The following KCNQ1 variants were observed in gnomAD, a reference collection of about 807,000 sequenced individuals.
The protein encoded by KCNQ1 is potassium voltage-gated channel subfamily KQT member 1.
In KCNQ1, 49 loss-of-function variants were observed where a neutral mutation model predicts 72.4. The observed-to-expected ratio is 0.68, with a 90% CI of 0.54 to 0.86. The LOEUF is 0.86. Ranked by LOEUF, KCNQ1 falls within the 40% of genes least tolerant of loss-of-function variation. The pLI, the probability that KCNQ1 is intolerant of heterozygous loss-of-function variation, is 0.00. For missense variants in KCNQ1, 790 were observed against 945.1 expected (o/e 0.84, Z 2.15); for synonymous variants, 450 against 412.6 (o/e 1.09, Z -1.10).
intron 15 of KCNQ1, among the ~76,000 whole-genome samples, chr11:2,843,892 C>T (rs986854087): frequency 6.6e-6 from 1 of 152,192 alleles, no homozygotes; most frequent in South Asian, 2.1e-4. Flanking sequence ...GTCTGCCTTG[C>T]CTTTTAATCA....
In KCNQ1 at chr11:2,783,506, A is replaced by T. The variant is rs572225919; in HGVS notation, c.1794+5469A>T. Among the ~76,000 whole-genome samples the T allele has an allele frequency of 6.6e-6, 1 of 152,174 alleles. No individual in the cohort carries two copies. Among genetic ancestry groups the T allele is most frequent in the East Asian group, 1.9e-4 (1 of 5,190 alleles). On this transcript the variant is annotated intron_variant, in intron 15 of 15. Coordinates refer to ENST00000155840, the MANE Select transcript of KCNQ1 (RefSeq NM_000218.3). This position sits in a 1 kb window ranked among gnomAD's most constrained non-coding sequence, Gnocchi z 5.2. ...TCAAATCTTCTATATTCTCATTGGA[A>T]TGTTTTTATCTGCTTGATCTATTAT...
chr11:2,531,172 G>A (rs574094712), intron 2 of KCNQ1, among the ~76,000 whole-genome samples: 13 of 142,374 alleles, frequency 9.1e-5, no homozygotes, highest in Non-Finnish European at 1.8e-4. Context: ...ACCTTCAGAC[G>A]TGCCCTGGGC....
Position 2,620,973 on chromosome 11 carries a change from T to G in KCNQ1, c.1393+32119T>G, listed in dbSNP as rs1391669577. 2.0e-5 allele frequency: 8 copies of G among 395,344 alleles called. No homozygotes were observed. The highest frequency in any genetic ancestry group is 3.1e-5 in the Non-Finnish European group (7 of 224,348). The allele number at this position is 395,344 out of a possible 1,614,324, so 24.5% of individuals were successfully genotyped here. Reference sequence around the variant, plus strand: ...GTTTTTTTTTGTCTGTTTTTTGCTTTTTTGTTTGTTTGTTTGTTTTTTGAG... The same window carrying G: ...GTTTTTTTTTGTCTGTTTTTTGCTTGTTTGTTTGTTTGTTTGTTTTTTGAG... On this transcript the variant is annotated intron_variant, in intron 10 of 15. Coordinates refer to ENST00000155840, the MANE Select transcript of KCNQ1 (RefSeq NM_000218.3). This position sits in a 1 kb window ranked among gnomAD's most constrained non-coding sequence, Gnocchi z 4.5.
Position 2,830,392 on chromosome 11 carries a change from C to T in KCNQ1, c.1795-17375C>T, listed in dbSNP as rs899065645. Among the ~76,000 whole-genome samples, 1 of 152,108 alleles carries T rather than the reference C, an allele frequency of 6.6e-6. No homozygotes were observed. The highest frequency in any genetic ancestry group is 1.5e-5 in the Non-Finnish European group (1 of 68,000). ...ACCTGAATGATATCTTAGATGATCT[C>T]CAAGGCCCCGGGATCTAAGTCCCTG... On this transcript the variant is annotated intron_variant, in intron 15 of 15. Coordinates refer to ENST00000155840, the MANE Select transcript of KCNQ1 (RefSeq NM_000218.3). This position sits in a 1 kb window ranked among gnomAD's most constrained non-coding sequence, Gnocchi z 7.7.
rs977580487 is a variant in KCNQ1, at chr11:2,759,972, G to C, written c.1515-8872G>C. Reference sequence around the variant, plus strand: ...TGGATGGAGGCCAGGCCGCTGAGCTGCTGGGAATCTGTTCCACAGGTGGGA... The same window carrying C: ...TGGATGGAGGCCAGGCCGCTGAGCTCCTGGGAATCTGTTCCACAGGTGGGA... On this transcript the variant is annotated intron_variant, in intron 11 of 15. Transcript: ENST00000155840. The surrounding 1 kb of genome is among the most constrained non-coding windows in gnomAD (Gnocchi z 4.4). Among the ~76,000 whole-genome samples the C allele has an allele frequency of 5.9e-5, 9 of 152,242 alleles. No homozygotes were observed. Among genetic ancestry groups the C allele is most frequent in the African/African-American group, 2.4e-5 (1 of 41,456 alleles).
In KCNQ1 at chr11:2,603,396, A is replaced by G. The variant is rs543442123; in HGVS notation, c.1393+14542A>G. ...TACCACACACATTTAATTTTTTAAA[A>G]ACACAATATCCACAAAGTGCAAAAA... On this transcript the variant is annotated intron_variant, in intron 10 of 15. Transcript: ENST00000155840. This position sits in a 1 kb window ranked among gnomAD's most constrained non-coding sequence, Gnocchi z 4.1. 1.3e-5 allele frequency among the ~76,000 whole-genome samples: 2 copies of G among 152,310 alleles called. No individual in the cohort carries two copies. Among genetic ancestry groups the G allele is most frequent in the South Asian group, 4.1e-4 (2 of 4,824 alleles).
chr11:2,476,056 C>A (rs1006453122), intron 1 of KCNQ1, among the ~76,000 whole-genome samples: 6 of 152,292 alleles, frequency 3.9e-5, no homozygotes, highest in African/African-American at 1.4e-4. Flanking sequence ...ATTTAAATCA[C>A]CTCTTCGAGT....
intron 10 of KCNQ1, chr11:2,643,977 AG>A (rs1230356409): frequency 7.5e-6 from 3 of 398,426 alleles, no homozygotes; most frequent in Non-Finnish European, 1.3e-5. Flanking sequence ...GTTAGTCTGC[AG>A]GTTGTTCCCT....
chr11:2,841,883 C>T (rs1848221039), intron 15 of KCNQ1, among the ~76,000 whole-genome samples: 2 of 152,180 alleles, frequency 1.3e-5, no homozygotes, highest in African/African-American at 2.4e-5. Flanking sequence ...TTGGGCCTCT[C>T]TCAGAGGGAG....
chr11:2,507,606 G>C lies in KCNQ1; in HGVS notation c.387-20322G>C, dbSNP rs977236234. Among the ~76,000 whole-genome samples, 6 of 152,178 alleles carry C rather than the reference G, an allele frequency of 3.9e-5. No homozygotes were observed. The highest frequency in any genetic ancestry group is 1.4e-4 in the African/African-American group (6 of 41,442). ...GTTGGGGCGAAGGAGTCCAGCTGGGGACATGTTATTTTGGAGGTGTTTGTG... is the reference window on the plus strand; with the variant it reads ...GTTGGGGCGAAGGAGTCCAGCTGGGCACATGTTATTTTGGAGGTGTTTGTG... On this transcript the variant is annotated intron_variant, in intron 1 of 15. Transcript: ENST00000155840. This position sits in a 1 kb window ranked among gnomAD's most constrained non-coding sequence, Gnocchi z 5.4.
At chr11:2,656,987 C>T (rs1564847290) in intron 10 of KCNQ1, 1 of 398,636 alleles carries the variant, frequency 2.5e-6, no homozygotes, top group Middle Eastern at 6.3e-4. Flanking sequence ...AGTCCATGCT[C>T]TTCCCAGGAT....
rs1589983175 is a variant in KCNQ1 at position 2,616,034 on chromosome 11, A to G, written c.1393+27180A>G. 5.5e-5 allele frequency: 22 copies of G among 397,988 alleles called. 1 individual carries two copies. The East Asian group carries it at 7.9e-4, about 14-fold the overall frequency. The allele number at this position is 397,988 out of a possible 1,614,324, so 24.7% of individuals were successfully genotyped here. A position where few individuals can be genotyped will look rare whatever the true frequency, so the allele number is the denominator to read the frequency against. ...TTTTGGTTACTGATTCAAACTTTCT[A>G]CTTGTTATGGGTCTGCTCATAATTT... On this transcript the variant is annotated intron_variant, in intron 10 of 15. Coordinates refer to ENST00000155840, the MANE Select transcript of KCNQ1 (RefSeq NM_000218.3).
In KCNQ1 at chr11:2,640,906, A is replaced by T. The variant is rs550088756; in HGVS notation, c.1394-21055A>T. On this transcript the variant is annotated intron_variant, in intron 10 of 15. Transcript: ENST00000155840. ...TGAGATCAACTTTTATAGCTCCCAC[A>T]TATGATAATAACATAAGATAATTAT... is the stretch of plus-strand genomic sequence containing the variant. The T allele has an allele frequency of 1.0e-5, 4 of 399,568 alleles. No individual in the cohort carries two copies. In the East Asian group the frequency reaches 1.4e-4, roughly 14 times the overall value. 24.8% of individuals were successfully genotyped at this position (399,568 alleles called of 1,614,324 possible).
chr11:2,724,580 ACCCCTT>A lies in KCNQ1; in HGVS notation c.1515-44260_1515-44255del, dbSNP rs1034554160. ...TCACCTAGGAAGGACCCCACTAGGA[ACCCCTT>A]CCCGCGGAAACACAGCTTCTCCCCT... On this transcript the variant is annotated intron_variant, in intron 11 of 15. Transcript: ENST00000155840. This position sits in a 1 kb window ranked among gnomAD's most constrained non-coding sequence, Gnocchi z 6.8. Among the ~76,000 whole-genome samples the A allele has an allele frequency of 6.6e-6, 1 of 152,050 alleles. No individual in the cohort carries two copies. The highest frequency in any genetic ancestry group is 6.6e-5 in the Admixed American group (1 of 15,262).
chr11:2,561,640 A>G (rs1052336112), intron 2 of KCNQ1, among the ~76,000 whole-genome samples: 5 of 152,226 alleles, frequency 3.3e-5, no homozygotes, highest in Non-Finnish European at 5.9e-5. Flanking sequence ...TCCTCACACC[A>G]GCCTGCTCCT....
intron 10 of KCNQ1, chr11:2,644,680 A>G (rs554209358): frequency 7.5e-6 from 3 of 398,356 alleles, no homozygotes; most frequent in South Asian, 2.6e-4. Context: ...GTTTCTTCCA[A>G]TTTTTTGATC....
intron 1 of KCNQ1, among the ~76,000 whole-genome samples, chr11:2,474,024 G>C (rs1389569683): frequency 6.6e-6 from 1 of 152,240 alleles, no homozygotes; most frequent in Non-Finnish European, 1.5e-5. Flanking sequence ...GCTTGGGGAA[G>C]GGCTGTGGCT....
intron 1 of KCNQ1, among the ~76,000 whole-genome samples, chr11:2,518,757 G>C (rs1161196953): frequency 2.6e-5 from 4 of 152,182 alleles, no homozygotes; most frequent in Non-Finnish European, 4.4e-5. Flanking sequence ...TGTGTCCCTT[G>C]GGCTGGGATC....
Position 2,563,721 on chromosome 11 carries a change from C to T in KCNQ1, c.478-6907C>T, listed in dbSNP as rs1042745067. 1.1e-4 allele frequency among the ~76,000 whole-genome samples: 16 copies of T among 152,132 alleles called. No individual in the cohort carries two copies. Among genetic ancestry groups the T allele is most frequent in the Admixed American group, 3.9e-4 (6 of 15,274 alleles). On this transcript the variant is annotated intron_variant, in intron 2 of 15. Transcript: ENST00000155840. The surrounding 1 kb of genome is among the most constrained non-coding windows in gnomAD (Gnocchi z 7.4). ...TTCAACATAAGTCTTGTCAGCGTTC[C>T]GATGAAACAAGATTAGGGGAATTTT...
Sources: allele counts gnomAD v4.1 joint callset (sites outside exome capture counted in the v4.1 genomes callset), GRCh38; gene constraint gnomAD v4.1.1; non-coding constraint Gnocchi (gnomAD v3.1); transcripts MANE v1.5; gene names NCBI Gene and HGNC (gene_info 2026-07-23, HGNC 2026-07-21).